MACO1: variants seen among roughly 807,000 people sequenced by gnomAD.
MACO1 encodes macoilin 1, also known as macoilin.
MACO1 carries 14 observed loss-of-function variants against 78.7 expected under a neutral mutation model. The observed-to-expected ratio is 0.18, with a 90% CI of 0.12 to 0.28. The LOEUF is 0.28. Ranked by LOEUF, MACO1 falls within the 10% of genes least tolerant of loss-of-function variation. The pLI is 1.00. For synonymous variants in MACO1, 288 were observed against 291.6 expected, an observed-to-expected ratio of 0.99 and a Z score of 0.12; for missense variants, 501 against 799.0, an observed-to-expected ratio of 0.63 and a Z score of 4.50.
intron 6 of MACO1, among the ~76,000 whole-genome samples, chr1:25,476,282 G>A (rs1408693438): frequency 6.6e-6 from 1 of 152,216 alleles, no homozygotes; most frequent in East Asian, 1.9e-4. Context: ...TGCCTTTTGT[G>A]TTTGACAGAT....
chr1:25,431,658 C>T (rs2042872715), intron 1 of MACO1, among the ~76,000 whole-genome samples: 1 of 152,052 alleles, frequency 6.6e-6, no homozygotes, highest in African/African-American at 2.4e-5. Context: ...GTTGAGAGCC[C>T]ACTGTGGCCC....
At chr1:25,466,777 A>C (rs2043223387) in intron 6 of MACO1, among the ~76,000 whole-genome samples, 2 of 152,162 alleles carry the variant, frequency 1.3e-5, no homozygotes, top group Non-Finnish European at 2.9e-5. Flanking sequence ...TAGAGCAGAA[A>C]TTTTTATTTT....
In MACO1 at chr1:25,447,481, C is replaced by T. The variant is rs185091222; in HGVS notation, c.222+578C>T. Among the ~76,000 whole-genome samples the T allele has an allele frequency of 4.6e-5, 7 of 152,258 alleles. No individual in the cohort carries two copies. In the East Asian group the frequency reaches 9.6e-4, roughly 21 times the overall value. ...TAAACATCATAATAAGCCCATTACA[C>T]GTTAATAGAAATTACATTTTTAAGT... On this transcript the variant is annotated intron_variant, in intron 2 of 10. Transcript: ENST00000374343.
chr1:25,456,675 T>C lies in MACO1; in HGVS notation c.496T>C (p.Leu166=). The C allele has an allele frequency of 6.2e-7, 1 of 1,613,584 alleles. No individual in the cohort carries two copies. The highest frequency in any genetic ancestry group is 8.5e-7 in the Non-Finnish European group (1 of 1,179,796). The change falls in exon 5 of 11, where the codon TTG becomes CTG. Residue 166 remains leucine, a synonymous_variant. Transcript: ENST00000374343. ...TAGTATTGGGTACCCTGTGGTAACT[T>C]TGGGGTTTGGCTTCAAAAGTTACGT... ...AHCIGYPVVT[L]GFGFKSYVSY...
chr1:25,491,286 A>G lies in MACO1; in HGVS notation c.1618-124A>G, dbSNP rs900761377. 10 of 1,334,810 alleles carry G rather than the reference A, an allele frequency of 7.5e-6. No individual in the cohort carries two copies. In the Admixed American group the frequency reaches 1.1e-4, roughly 15 times the overall value. The allele number at this position is 1,334,810 out of a possible 1,614,324, so 82.7% of individuals were successfully genotyped here. Reference sequence around the variant, plus strand: ...TAGCACTTGCCTAAACCCATGAAACACCAGATTTTGTGTTCTAGTGGCCAG... The same window carrying G: ...TAGCACTTGCCTAAACCCATGAAACGCCAGATTTTGTGTTCTAGTGGCCAG... On this transcript the variant is annotated intron_variant, in intron 9 of 10. Coordinates refer to ENST00000374343, the MANE Select transcript of MACO1 (RefSeq NM_018202.6).
intron 1 of MACO1, among the ~76,000 whole-genome samples, chr1:25,441,048 T>C (rs1299438587): frequency 1.3e-5 from 2 of 152,222 alleles, no homozygotes; most frequent in Non-Finnish European, 2.9e-5. Flanking sequence ...ATTGGTTATC[T>C]TGGTTGTTGT....
chr1:25,463,844 G>C (rs1331030652), intron 6 of MACO1, among the ~76,000 whole-genome samples: 1 of 152,122 alleles, frequency 6.6e-6, no homozygotes, highest in Non-Finnish European at 1.5e-5. Context: ...TTTTAAAATA[G>C]ATTTTAATTT....
chr1:25,471,735 C>T (rs924976544), intron 6 of MACO1, among the ~76,000 whole-genome samples: 9 of 152,220 alleles, frequency 5.9e-5, no homozygotes, highest in Non-Finnish European at 1.3e-4. Flanking sequence ...ACCTGAATAT[C>T]ACATTAGACC....
chr1:25,453,690 A>T (rs116796649), intron 3 of MACO1, among the ~76,000 whole-genome samples: 1,965 of 151,046 alleles, frequency 0.013, 50 homozygotes, highest in African/African-American at 0.046. Context: ...AAGAAGTGGA[A>T]TTTCTGGGTA....
intron 6 of MACO1, 102 bp downstream of exon 6, chr1:25,458,994 T>G (rs1021417925): frequency 7.2e-7 from 1 of 1,396,806 alleles, no homozygotes. Flanking sequence ...TAATCAGATA[T>G]TGTGACTAGT....
At chr1:25,449,755 A>T (rs990233275) in intron 3 of MACO1, among the ~76,000 whole-genome samples, 1 of 152,232 alleles carries the variant, frequency 6.6e-6, no homozygotes, top group African/African-American at 2.4e-5. Flanking sequence ...GCAGTGGCTC[A>T]CGCCTGTAAT....
At chr1:25,439,346 T>G (rs537705360) in intron 1 of MACO1, among the ~76,000 whole-genome samples, 1 of 151,854 alleles carries the variant, frequency 6.6e-6, no homozygotes, top group African/African-American at 2.4e-5. Context: ...CAGTGAGTTA[T>G]GATCACACCA....
chr1:25,441,663 T>TA (rs1415639136), intron 1 of MACO1, among the ~76,000 whole-genome samples: 4 of 152,238 alleles, frequency 2.6e-5, no homozygotes, highest in African/African-American at 9.6e-5. Flanking sequence ...TCAGTGTTCT[T>TA]ATAGTACAGG....
At chr1:25,453,141 GATTACAGGCGC>G (rs2043082767) in intron 3 of MACO1, among the ~76,000 whole-genome samples, 2 of 151,168 alleles carry the variant, frequency 1.3e-5, no homozygotes, top group South Asian at 4.2e-4. Context: ...AAGTAGCTGA[GATTACAGGCGC>G]CTGCCACCAC....
chr1:25,449,521 T>C (rs2043045948), intron 3 of MACO1, among the ~76,000 whole-genome samples: 1 of 152,162 alleles, frequency 6.6e-6, no homozygotes, highest in Non-Finnish European at 1.5e-5. Context: ...TTGGGCTCGT[T>C]GATTTCTTTT....
chr1:25,452,617 T>C (rs1284851816), intron 3 of MACO1, among the ~76,000 whole-genome samples: 1 of 152,208 alleles, frequency 6.6e-6, no homozygotes, highest in African/African-American at 2.4e-5. Flanking sequence ...TTTCATTATA[T>C]AGATTTATCA....
intron 1 of MACO1, among the ~76,000 whole-genome samples, chr1:25,434,612 A>G (rs2042903597): frequency 6.6e-6 from 1 of 152,256 alleles, no homozygotes; most frequent in Non-Finnish European, 1.5e-5. Context: ...TTCATCTGAC[A>G]CATTAACAGC....
chr1:25,460,786 C>T (rs953129185), intron 6 of MACO1, among the ~76,000 whole-genome samples: 5 of 152,114 alleles, frequency 3.3e-5, no homozygotes, highest in African/African-American at 4.8e-5. Flanking sequence ...CGTGCCTACA[C>T]CTAAGGAGTA....
chr1:25,439,671 T>G (rs531281551), intron 1 of MACO1, among the ~76,000 whole-genome samples: 3 of 140,662 alleles, frequency 2.1e-5, no homozygotes, highest in East Asian at 2.1e-4. Flanking sequence ...CAAATTTCTG[T>G]TTTTTTTTTT....
Sources: allele counts gnomAD v4.1 joint callset (sites outside exome capture counted in the v4.1 genomes callset), GRCh38; gene constraint gnomAD v4.1.1; transcripts MANE v1.5; gene names NCBI Gene and HGNC (gene_info 2026-07-23, HGNC 2026-07-21).